MEGF8: variants seen among roughly 807,000 people sequenced by gnomAD.
The protein encoded by MEGF8 is multiple EGF like domains 8, also known as multiple epidermal growth factor-like domains protein 8.
A neutral mutation model predicts 302.9 loss-of-function variants in MEGF8; 156 were observed. The ratio of observed to expected loss-of-function variants is 0.52; its 90% confidence interval spans 0.45 to 0.59. The LOEUF is 0.59. MEGF8 is among the 20% of genes least tolerant of loss of function. The pLI is 0.00. For missense variants in MEGF8, 3,345 were observed against 3,964.5 expected (o/e 0.84, Z 4.20); for synonymous variants, 1,621 against 1,660.5 (o/e 0.98, Z 0.58).
Position 42,336,008 on chromosome 19 carries a change from G to A in MEGF8, c.906G>A (p.Ser302=), listed in dbSNP as rs758567389. The A allele has an allele frequency of 2.4e-5, 37 of 1,545,958 alleles. No homozygotes were observed. Among genetic ancestry groups the A allele is most frequent in the Non-Finnish European group, 3.0e-5 (34 of 1,148,162 alleles). ...VLMGGELADG[S]LTNDVWAFSP... ...TGGGTGGTGAGCTGGCTGACGGCTCGCTCACCAACGACGTGTGGGCCTTCA... is the reference window on the plus strand; with the variant it reads ...TGGGTGGTGAGCTGGCTGACGGCTCACTCACCAACGACGTGTGGGCCTTCA... Residue 302 remains serine, a synonymous_variant, in exon 6 of 42, where the codon TCG becomes TCA. Transcript: ENST00000251268. This position sits in a 1 kb window ranked among gnomAD's most constrained non-coding sequence, Gnocchi z 4.8.
rs779493868 is a variant in MEGF8, at chr19:42,376,320, C to T, written c.8083C>T (p.Arg2695Cys). ...GCAGGAGATGACCAAGATGGCCAGCCGCCCCTTCGCCAAGGTCACCGTCTG... is the reference window on the plus strand; with the variant it reads ...GCAGGAGATGACCAAGATGGCCAGCTGCCCCTTCGCCAAGGTCACCGTCTG... ...HLQEMTKMASRPFAKVTVCFP... is the reference protein window; with the variant it reads ...HLQEMTKMASCPFAKVTVCFP... The change falls in exon 42 of 42, where the codon CGC becomes TGC. Residue 2695 changes from arginine (R) to cysteine (C), a missense_variant. Coordinates refer to ENST00000251268, the MANE Select transcript of MEGF8 (RefSeq NM_001271938.2). This position sits in a 1 kb window ranked among gnomAD's most constrained non-coding sequence, Gnocchi z 8.2. 3 of 1,613,698 alleles carry T rather than the reference C, an allele frequency of 1.9e-6. No individual in the cohort carries two copies. The highest frequency in any genetic ancestry group is 2.5e-6 in the Non-Finnish European group (3 of 1,179,836).
rs181937474 is a variant in MEGF8, at chr19:42,335,466, A to G, written c.828+81A>G. The G allele has an allele frequency of 4.7e-6, 6 of 1,274,026 alleles. No individual in the cohort carries two copies. In the South Asian group the frequency reaches 6.2e-5, roughly 13 times the overall value. 78.9% of individuals were successfully genotyped at this position (1,274,026 alleles called of 1,614,324 possible). A position where few individuals can be genotyped will look rare whatever the true frequency, so the allele number is the denominator to read the frequency against. ...GGGACCCCCGGAATGATCCCCTATC[A>G]CCTAGTGCTCCCACAGTTCCTGCAG... On this transcript the variant is annotated intron_variant, in intron 5 of 41. Transcript: ENST00000251268.
At position 42,352,119 on chromosome 19, in the gene MEGF8, CA is replaced by C; in HGVS notation, c.3102-87del. 7.1e-7 allele frequency: 1 copy of C among 1,407,928 alleles called. No homozygotes were observed. The highest frequency in any genetic ancestry group is 9.4e-7 in the Non-Finnish European group (1 of 1,062,592). The allele number at this position is 1,407,928 out of a possible 1,614,324, so 87.2% of individuals were successfully genotyped here. On this transcript the variant is annotated intron_variant, in intron 18 of 41. Transcript: ENST00000251268. This position sits in a 1 kb window ranked among gnomAD's most constrained non-coding sequence, Gnocchi z 4.4. Reference sequence around the variant, plus strand: ...ATTTGTATTTGCATCCCTCTCCTTCCAATTGGCCTCCTCTCTCCCTGTCATT... The same window carrying C: ...ATTTGTATTTGCATCCCTCTCCTTCCATTGGCCTCCTCTCTCCCTGTCATT...
chr19:42,351,108 G>C lies in MEGF8; in HGVS notation c.2737-108G>C. 1.0e-6 allele frequency: 1 copy of C among 958,312 alleles called. No individual in the cohort carries two copies. The highest frequency in any genetic ancestry group is 1.6e-6 in the Non-Finnish European group (1 of 640,052). 59.4% of individuals were successfully genotyped at this position (958,312 alleles called of 1,614,324 possible). On this transcript the variant is annotated intron_variant, in intron 15 of 41. Transcript: ENST00000251268. This position sits in a 1 kb window ranked among gnomAD's most constrained non-coding sequence, Gnocchi z 5.6. ...ACGCAGGCAGCTGGGGAGGGAGATG[G>C]CCTTACAGGGACAGTCTGCAGGGTG...
rs2039382561 is a variant in MEGF8 at position 42,352,063 on chromosome 19, C to T, written c.3102-145C>T. The stretch of plus-strand genomic sequence containing the variant: ...CTTCCAAAATTGTTTTTGTCTGCGA[C>T]TTCTCCTGGTTTCTCTGTCTCTCTT... On this transcript the variant is annotated intron_variant, in intron 18 of 41. Coordinates refer to ENST00000251268, the MANE Select transcript of MEGF8 (RefSeq NM_001271938.2). This position sits in a 1 kb window ranked among gnomAD's most constrained non-coding sequence, Gnocchi z 4.4. 4 of 1,143,466 alleles carry T rather than the reference C, an allele frequency of 3.5e-6. No individual in the cohort carries two copies. The highest frequency in any genetic ancestry group is 1.6e-5 in the African/African-American group (1 of 63,836). 70.8% of individuals were successfully genotyped at this position (1,143,466 alleles called of 1,614,324 possible). A position where few individuals can be genotyped will look rare whatever the true frequency, so the allele number is the denominator to read the frequency against.
Position 42,344,412 on chromosome 19 carries a change from G to C in MEGF8, c.1789-29G>C, listed in dbSNP as rs1307735455. On this transcript the variant is annotated intron_variant, in intron 10 of 41. Coordinates refer to ENST00000251268, the MANE Select transcript of MEGF8 (RefSeq NM_001271938.2). The surrounding 1 kb of genome is among the most constrained non-coding windows in gnomAD (Gnocchi z 4.5). ...CAGATCTCTTGAGCTCCAGTTGACA[G>C]TGAGCCCTTTCCCCTCTCCTCCTCG... 1 of 1,554,468 alleles carries C rather than the reference G, an allele frequency of 6.4e-7. No individual in the cohort carries two copies. The highest frequency in any genetic ancestry group is 2.3e-5 in the East Asian group (1 of 44,256).
At chr19:42,348,126 C>G (rs569665974) in intron 12 of MEGF8, 146 bp from the exon 13 acceptor site, 1 of 725,498 alleles carries the variant, frequency 1.4e-6, no homozygotes, top group African/African-American at 1.8e-5. Flanking sequence ...TGACCTTTGA[C>G]AAGCCACCTA....
rs769501510 is a variant in MEGF8, at chr19:42,368,979, C to T, written c.6618C>T (p.Cys2206=). 2 of 1,613,632 alleles carry T rather than the reference C, an allele frequency of 1.2e-6. No homozygotes were observed. The highest frequency in any genetic ancestry group is 1.7e-5 in the Admixed American group (1 of 60,008). The part of the protein sequence containing the change: ...HDQPHGYECS[C]KTGYTMDNMT... ...AGCCCCACGGCTATGAGTGCAGCTG[C>T]AAGACCGGCTATACCATGGACAAGT... Residue 2206 remains cysteine, a synonymous_variant, in exon 37 of 42, where the codon TGC becomes TGT. Coordinates refer to ENST00000251268, the MANE Select transcript of MEGF8 (RefSeq NM_001271938.2). The surrounding 1 kb of genome is among the most constrained non-coding windows in gnomAD (Gnocchi z 4.9).
chr19:42,358,182 G>A lies in MEGF8; in HGVS notation c.5050G>A (p.Asp1684Asn), dbSNP rs1243176183. ...GHSAVYHEATDSLYVFGGFRF... is the reference protein window; with the variant it reads ...GHSAVYHEATNSLYVFGGFRF... ...CTCTGCTGTCTACCACGAGGCCACCGACTCCCTCTACGTGTTTGGGGGGTT... is the reference window on the plus strand; with the variant it reads ...CTCTGCTGTCTACCACGAGGCCACCAACTCCCTCTACGTGTTTGGGGGGTT... Residue 1684 changes from aspartate (D) to asparagine (N), a missense_variant, in exon 29 of 42, where the codon GAC becomes AAC. Transcript: ENST00000251268. The surrounding 1 kb of genome is among the most constrained non-coding windows in gnomAD (Gnocchi z 4.4). The A allele has an allele frequency of 3.1e-6, 5 of 1,599,958 alleles. No homozygotes were observed. The highest frequency in any genetic ancestry group is 1.1e-5 in the South Asian group (1 of 87,994).
In MEGF8 at chr19:42,376,220, C is replaced by G; in HGVS notation, c.7983C>G (p.Leu2661=). Reference sequence around the variant, plus strand: ...CCGTCTTCTTCTCCTGCTTCTTCCTCTTCCTCTCACTCTGTGTGCTCCTCT... The same window carrying G: ...CCGTCTTCTTCTCCTGCTTCTTCCTGTTCCTCTCACTCTGTGTGCTCCTCT... ...FFSVFFSCFF[L]FLSLCVLLWK... The change falls in exon 42 of 42, where the codon CTC becomes CTG. Residue 2661 remains leucine, a synonymous_variant. Coordinates refer to ENST00000251268, the MANE Select transcript of MEGF8 (RefSeq NM_001271938.2). This position sits in a 1 kb window ranked among gnomAD's most constrained non-coding sequence, Gnocchi z 8.2. The G allele has an allele frequency of 6.2e-7, 1 of 1,603,822 alleles. No homozygotes were observed. Among genetic ancestry groups the G allele is most frequent in the Middle Eastern group, 1.7e-4 (1 of 6,050 alleles).
At chr19:42,332,335 CTG>C (rs1398562596) in intron 1 of MEGF8, among the ~76,000 whole-genome samples, 1 of 152,124 alleles carries the variant, frequency 6.6e-6, no homozygotes, top group Non-Finnish European at 1.5e-5. Context: ...GCCGGAATGC[CTG>C]TGTGTGGCCT....
Position 42,351,089 on chromosome 19 carries a change from G to A in MEGF8, c.2737-127G>A. Reference sequence around the variant, plus strand: ...CGAAGGGAGGGGTCCAGAGACGCAGGCAGCTGGGGAGGGAGATGGCCTTAC... The same window carrying A: ...CGAAGGGAGGGGTCCAGAGACGCAGACAGCTGGGGAGGGAGATGGCCTTAC... On this transcript the variant is annotated intron_variant, in intron 15 of 41. Coordinates refer to ENST00000251268, the MANE Select transcript of MEGF8 (RefSeq NM_001271938.2). This position sits in a 1 kb window ranked among gnomAD's most constrained non-coding sequence, Gnocchi z 5.6. The A allele has an allele frequency of 2.4e-6, 2 of 821,834 alleles. No homozygotes were observed. The highest frequency in any genetic ancestry group is 3.8e-6 in the Non-Finnish European group (2 of 522,140). The allele number at this position is 821,834 out of a possible 1,614,324, so 50.9% of individuals were successfully genotyped here.
rs765520678 is a variant in MEGF8, at chr19:42,341,948, G to A, written c.1514-1529G>A. ...GGGGACGTGTGGGCTTCCCAGAGTCGCATCTGTTCACTCCTCCTCCCTGAA... is the reference window on the plus strand; with the variant it reads ...GGGGACGTGTGGGCTTCCCAGAGTCACATCTGTTCACTCCTCCTCCCTGAA... On this transcript the variant is annotated intron_variant, in intron 8 of 41. Coordinates refer to ENST00000251268, the MANE Select transcript of MEGF8 (RefSeq NM_001271938.2). 3.3e-5 allele frequency among the ~76,000 whole-genome samples: 5 copies of A among 152,156 alleles called. No individual in the cohort carries two copies. The South Asian group carries it at 6.2e-4, about 19-fold the overall frequency.
intron 1 of MEGF8, among the ~76,000 whole-genome samples, chr19:42,333,099 C>T (rs2039076290): frequency 6.6e-6 from 1 of 152,184 alleles, no homozygotes; most frequent in African/African-American, 2.4e-5. Context: ...AAGGTTAGGC[C>T]TCTGTTCTGG....
intron 8 of MEGF8, 39 bp downstream of exon 8, chr19:42,337,245 T>A: frequency 6.2e-7 from 1 of 1,611,288 alleles, no homozygotes; most frequent in South Asian, 1.1e-5. Context: ...CTCCTGAGGG[T>A]CCCACCTCTC....
In MEGF8 at chr19:42,375,003, C is replaced by T. The variant is rs1323894052; in HGVS notation, c.7270-504C>T. On this transcript the variant is annotated intron_variant, in intron 41 of 41. Coordinates refer to ENST00000251268, the MANE Select transcript of MEGF8 (RefSeq NM_001271938.2). The surrounding 1 kb of genome is among the most constrained non-coding windows in gnomAD (Gnocchi z 7.1). ...GCAAAGGCCCCAGGGTGGGAGGGCG[C>T]CTGGCACAGTATAGAAGAAGCATCC... is the stretch of plus-strand genomic sequence containing the variant. 6.6e-6 allele frequency among the ~76,000 whole-genome samples: 1 copy of T among 152,138 alleles called. No homozygotes were observed. Among genetic ancestry groups the T allele is most frequent in the Non-Finnish European group, 1.5e-5 (1 of 68,020 alleles).
chr19:42,375,901 G>A lies in MEGF8; in HGVS notation c.7664G>A (p.Ser2555Asn), dbSNP rs769310948. The A allele has an allele frequency of 1.9e-6, 3 of 1,601,154 alleles. No homozygotes were observed. The highest frequency in any genetic ancestry group is 1.7e-5 in the Admixed American group (1 of 58,914). ...GAGDPGGAGA[S>N]SGPGAPAEPR... is the part of the protein sequence containing the mutation. Reference sequence around the variant, plus strand: ...GGGGATCCAGGAGGAGCAGGGGCCAGCAGTGGGCCGGGCGCCCCAGCAGAG... The same window carrying A: ...GGGGATCCAGGAGGAGCAGGGGCCAACAGTGGGCCGGGCGCCCCAGCAGAG... The change falls in exon 42 of 42, where the codon AGC becomes AAC. Residue 2555 changes from serine (S) to asparagine (N), a missense_variant. Transcript: ENST00000251268. This position sits in a 1 kb window ranked among gnomAD's most constrained non-coding sequence, Gnocchi z 7.1.
chr19:42,335,491 G>A lies in MEGF8; in HGVS notation c.828+106G>A, dbSNP rs190622454. On this transcript the variant is annotated intron_variant, in intron 5 of 41. Coordinates refer to ENST00000251268, the MANE Select transcript of MEGF8 (RefSeq NM_001271938.2). ...ACCTAGTGCTCCCACAGTTCCTGCA[G>A]CTTGATATAGGAACCTACTTCTCCC... 2.8e-3 allele frequency: 2,765 copies of A among 981,746 alleles called. 3 individuals are homozygous for A. Among genetic ancestry groups the A allele is most frequent in the Non-Finnish European group, 3.6e-3 (2,342 of 643,078 alleles). The allele number at this position is 981,746 out of a possible 1,614,324, so 60.8% of individuals were successfully genotyped here. A position where few individuals can be genotyped will look rare whatever the true frequency, so the allele number is the denominator to read the frequency against.
At chr19:42,332,094 T>A (rs1337379389) in intron 1 of MEGF8, among the ~76,000 whole-genome samples, 1 of 152,020 alleles carries the variant, frequency 6.6e-6, no homozygotes, top group Non-Finnish European at 1.5e-5. Flanking sequence ...TGACCTCAGG[T>A]GATCCACCTG....
Sources: gnomAD v4.1 joint callset for allele counts (sites outside exome capture counted in the v4.1 genomes callset) on GRCh38, gnomAD v4.1.1 for gene constraint, Gnocchi (gnomAD v3.1) non-coding constraint, MANE v1.5 for transcripts, NCBI Gene and HGNC (gene_info 2026-07-23, HGNC 2026-07-21) for gene names.